Variants in TRDN observed in about 807,000 individuals in gnomAD.
TRDN encodes triadin in skeletal muscle.
A neutral mutation model predicts 149.7 loss-of-function variants in TRDN; 161 were observed. That is an observed-to-expected ratio of 1.08 (90% CI 0.95 to 1.23). The LOEUF is 1.23. Among genes scored for constraint, TRDN ranks in the 50% most tolerant of loss-of-function variants. The probability of loss-of-function intolerance (pLI) is 0.00; values close to 1 mark genes in which losing one functional copy is unlikely to be tolerated. For missense variants in TRDN, 896 were observed against 823.5 expected, an observed-to-expected ratio of 1.09 and a Z score of -1.08; for synonymous variants, 294 against 250.5, an observed-to-expected ratio of 1.17 and a Z score of -1.64.
chr6:123,319,970 G>A (rs1309825911), intron 23 of TRDN, among the ~76,000 whole-genome samples: 1 of 151,992 alleles, frequency 6.6e-6, no homozygotes, highest in Non-Finnish European at 1.5e-5. Flanking sequence ...AAGTCAGAAG[G>A]GCAGCAGTGG....
intron 14 of TRDN, among the ~76,000 whole-genome samples, chr6:123,388,208 C>T (rs562466866): frequency 4.1e-4 from 63 of 152,004 alleles, no homozygotes; most frequent in Non-Finnish European, 6.5e-4. Context: ...ATTTGAATGC[C>T]GATGAGAATG....
intron 7 of TRDN, among the ~76,000 whole-genome samples, chr6:123,507,912 G>C (rs1416179223): frequency 6.6e-6 from 1 of 151,542 alleles, no homozygotes; most frequent in Non-Finnish European, 1.5e-5. Flanking sequence ...TTGGGAGTTA[G>C]AAAATAACAA....
intron 10 of TRDN, among the ~76,000 whole-genome samples, chr6:123,443,703 G>A (rs1259820167): frequency 6.6e-6 from 1 of 151,192 alleles, no homozygotes; most frequent in East Asian, 1.9e-4. Context: ...TGTATAAGGT[G>A]TAAGGAAGGC....
In TRDN at chr6:123,548,487, C is replaced by T; in HGVS notation, c.358G>A (p.Glu120Lys). Residue 120 changes from glutamate to lysine, a missense_variant, in exon 3 of 41, where the codon GAA (glutamate) becomes AAA (lysine). Glu to Lys is a moderately conservative substitution (Grantham distance 56, BLOSUM62 1). Transcript: ENST00000334268. ...GTATCTTCGTCACCATCATCATCTT[C>T]TTCATCTTCAGATGAGATGATGTCA... ...LSDIISSEDE[E>K]DDDGDEDTDK... 1 of 1,574,496 alleles carries T rather than the reference C, an allele frequency of 6.4e-7. No homozygotes were observed. The highest frequency in any genetic ancestry group is 1.8e-5 in the Admixed American group (1 of 54,420).
intron 34 of TRDN, 115 bp from the exon 35 acceptor site, chr6:123,259,777 G>T: frequency 1.4e-6 from 1 of 690,258 alleles, no homozygotes; most frequent in East Asian, 3.2e-5. Context: ...AGGGAGTCAG[G>T]GCTCTCTCAT....
intron 12 of TRDN, among the ~76,000 whole-genome samples, chr6:123,429,748 A>G (rs1298212029): frequency 6.6e-6 from 1 of 152,194 alleles, no homozygotes; most frequent in Non-Finnish European, 1.5e-5. Context: ...TATTTGCAAG[A>G]GACTACTGTA....
intron 19 of TRDN, among the ~76,000 whole-genome samples, chr6:123,370,807 C>T (rs1781293985): frequency 6.6e-6 from 1 of 151,524 alleles, no homozygotes; most frequent in Admixed American, 6.6e-5. Context: ...AGAGGTTGAA[C>T]ATCTTTTGAT....
At chr6:123,586,874 C>G (rs1783517568) in intron 1 of TRDN, among the ~76,000 whole-genome samples, 1 of 151,542 alleles carries the variant, frequency 6.6e-6, no homozygotes, top group Non-Finnish European at 1.5e-5. Flanking sequence ...GATACAAGGT[C>G]AGGGCATGGA....
chr6:123,284,988 A>G (rs1259631775), intron 24 of TRDN, among the ~76,000 whole-genome samples: 1 of 152,162 alleles, frequency 6.6e-6, no homozygotes, highest in East Asian at 1.9e-4. Flanking sequence ...GGAAAACTAC[A>G]AAACAGTGCT....
intron 4 of TRDN, among the ~76,000 whole-genome samples, chr6:123,531,745 A>G (rs1196959062): frequency 6.6e-6 from 1 of 152,066 alleles, no homozygotes; most frequent in African/African-American, 2.4e-5. Flanking sequence ...GGAAATGCCC[A>G]TCTTCCTGTC....
rs138968254 is a variant in TRDN at position 123,625,168 on chromosome 6, G to A, written c.22+11586C>T. Among the ~76,000 whole-genome samples the A allele has an allele frequency of 1.4e-3, 208 of 151,436 alleles. 2 individuals are homozygous for A. Among genetic ancestry groups the A allele is most frequent in the African/African-American group, 4.1e-3 (169 of 41,234 alleles). ...TTCACAATAATGTCATGTGCACTGC[G>A]AATTACCAGTGTTAAGAATAGGACA... is the stretch of plus-strand genomic sequence containing the variant. On this transcript the variant is annotated intron_variant, in intron 1 of 40. Transcript: ENST00000334268.
intron 12 of TRDN, among the ~76,000 whole-genome samples, chr6:123,394,464 T>C (rs1371032097): frequency 6.6e-6 from 1 of 152,164 alleles, no homozygotes; most frequent in Non-Finnish European, 1.5e-5. Flanking sequence ...TATTATTTAA[T>C]AATGGAAAGT....
At chr6:123,373,029 C>T (rs1276141487) in intron 19 of TRDN, among the ~76,000 whole-genome samples, 10 of 152,206 alleles carry the variant, frequency 6.6e-5, no homozygotes, top group South Asian at 6.2e-4. Flanking sequence ...ACATAACTTT[C>T]GATGTGGAAG....
intron 22 of TRDN, among the ~76,000 whole-genome samples, chr6:123,336,288 G>A (rs1779864298): frequency 6.6e-6 from 1 of 152,024 alleles, no homozygotes; most frequent in Non-Finnish European, 1.5e-5. Context: ...ATTACCCACA[G>A]TGTGACACTG....
chr6:123,620,630 G>A (rs942600008), intron 1 of TRDN, among the ~76,000 whole-genome samples: 1 of 152,072 alleles, frequency 6.6e-6, no homozygotes, highest in Non-Finnish European at 1.5e-5. Context: ...CACTGAGGCA[G>A]AGTTAGGCTT....
chr6:123,503,051 T>G, intron 8 of TRDN: 1 of 985,250 alleles, frequency 1.0e-6, no homozygotes, highest in Non-Finnish European at 1.2e-6. Flanking sequence ...TCCATTGAAG[T>G]GATATATTTT....
intron 9 of TRDN, among the ~76,000 whole-genome samples, chr6:123,495,596 G>A (rs896002167): frequency 6.6e-6 from 1 of 151,994 alleles, no homozygotes; most frequent in Non-Finnish European, 1.5e-5. Context: ...AAACTCCTGG[G>A]CTGAAGTGAT....
At chr6:123,255,931 T>C in intron 35 of TRDN, 29 bp from the exon 36 acceptor site, 1 of 1,182,000 alleles carries the variant, frequency 8.5e-7, no homozygotes, top group Non-Finnish European at 1.1e-6. Flanking sequence ...AACAGGGTAA[T>C]TTATTTTTTT....
intron 10 of TRDN, chr6:123,456,947 T>C (rs1225377684): frequency 5.9e-5 from 25 of 424,422 alleles, no homozygotes; most frequent in South Asian, 3.5e-4. Context: ...ACAAATGTTT[T>C]ATAAGGAAAA....
Sources: gnomAD v4.1 joint callset for allele counts (sites outside exome capture counted in the v4.1 genomes callset) on GRCh38, gnomAD v4.1.1 for gene constraint, MANE v1.5 for transcripts, NCBI Gene and HGNC (gene_info 2026-07-23, HGNC 2026-07-21) for gene names.